Variants in SPAG16 observed in about 807,000 individuals in gnomAD.
The protein encoded by SPAG16 is sperm associated antigen 16.
A neutral mutation model predicts 80.4 loss-of-function variants in SPAG16; 86 were observed. The ratio of observed to expected loss-of-function variants is 1.07; its 90% CI spans 0.90 to 1.28. The LOEUF is 1.28. SPAG16 is among the 50% of genes most tolerant of loss of function. The pLI is 0.00. For synonymous variants in SPAG16, 294 were observed against 265.9 expected, an observed-to-expected ratio of 1.11 and a Z score of -1.03; for missense variants, 870 against 765.3, an observed-to-expected ratio of 1.14 and a Z score of -1.61.
chr2:214,008,992 G>A (rs1202318382), intron 12 of SPAG16, among the ~76,000 whole-genome samples: 3 of 152,130 alleles, frequency 2.0e-5, no homozygotes, highest in African/African-American at 7.2e-5. Flanking sequence ...CCAAGTGAGA[G>A]TCTGAGATAT....
chr2:213,451,792 C>G (rs1392938776), intron 9 of SPAG16, among the ~76,000 whole-genome samples: 1 of 152,052 alleles, frequency 6.6e-6, no homozygotes, highest in African/African-American at 2.4e-5. Flanking sequence ...TCTAGTAGTC[C>G]CCACCCCTTG....
At chr2:214,292,263 C>A (rs1693855543) in intron 15 of SPAG16, among the ~76,000 whole-genome samples, 1 of 151,978 alleles carries the variant, frequency 6.6e-6, no homozygotes, top group Non-Finnish European at 1.5e-5. Context: ...GATCACTGGG[C>A]CTTCTGTATC....
intron 13 of SPAG16, among the ~76,000 whole-genome samples, chr2:214,075,461 G>A (rs1462379585): frequency 6.6e-6 from 1 of 151,944 alleles, no homozygotes; most frequent in Admixed American, 6.6e-5. Flanking sequence ...CATGAAGGAG[G>A]CTTCTGGACG....
intron 15 of SPAG16, among the ~76,000 whole-genome samples, chr2:214,288,759 A>ATTTATTTATTTG (rs1441966288): frequency 6.7e-6 from 1 of 148,310 alleles, no homozygotes; most frequent in Non-Finnish European, 1.5e-5. Flanking sequence ...CCACTTATTT[A>ATTTATTTATTTG]TTTATTTATT....
chr2:213,774,838 T>A (rs1259380243), intron 10 of SPAG16, among the ~76,000 whole-genome samples: 1 of 152,188 alleles, frequency 6.6e-6, no homozygotes, highest in Non-Finnish European at 1.5e-5. Context: ...TTAGTTAGAT[T>A]CACTTCTCAG....
At chr2:214,266,855 T>C (rs966998453) in intron 15 of SPAG16, among the ~76,000 whole-genome samples, 2 of 151,308 alleles carry the variant, frequency 1.3e-5, no homozygotes, top group African/African-American at 4.8e-5. Flanking sequence ...TTAAAAGGAA[T>C]AAAATACTTA....
chr2:214,369,340 T>C (rs1159421753), intron 15 of SPAG16, among the ~76,000 whole-genome samples: 2 of 152,112 alleles, frequency 1.3e-5, no homozygotes, highest in African/African-American at 4.8e-5. Flanking sequence ...TGCAACTCAC[T>C]ACTAGTTTTG....
chr2:213,461,430 C>T (rs1438151809), intron 9 of SPAG16, among the ~76,000 whole-genome samples: 1 of 152,120 alleles, frequency 6.6e-6, no homozygotes, highest in African/African-American at 2.4e-5. Context: ...GATGGTAATA[C>T]ATAGATGAAT....
rs192377889 is a variant in SPAG16, at chr2:213,460,610, C to T, written c.943-29353C>T. Among the ~76,000 whole-genome samples the T allele has an allele frequency of 1.2e-4, 18 of 152,186 alleles. No individual in the cohort carries two copies. The East Asian group carries it at 3.5e-3, about 29-fold the overall frequency. On this transcript the variant is annotated intron_variant, in intron 9 of 15. Transcript: ENST00000331683. ...AACAAGGTTATCTTGAATTGTCACT[C>T]TTTAATCTTTGATTTTGTTATGAAT...
intron 5 of SPAG16, among the ~76,000 whole-genome samples, chr2:213,339,666 C>A (rs1479847009): frequency 6.6e-6 from 1 of 151,958 alleles, no homozygotes; most frequent in Non-Finnish European, 1.5e-5. Context: ...TTATTTTATA[C>A]CATGAAATCT....
intron 15 of SPAG16, among the ~76,000 whole-genome samples, chr2:214,318,848 C>T (rs1695880307): frequency 6.6e-6 from 1 of 152,098 alleles, no homozygotes; most frequent in Non-Finnish European, 1.5e-5. Context: ...CAGCTCCTGA[C>T]AGAGGTGTTG....
At chr2:213,861,968 A>G (rs1261671133) in intron 10 of SPAG16, among the ~76,000 whole-genome samples, 2 of 152,158 alleles carry the variant, frequency 1.3e-5, no homozygotes, top group Non-Finnish European at 2.9e-5. Flanking sequence ...CACTTTGTGT[A>G]GATAGTGGGC....
At chr2:213,313,723 A>G (rs1043679604) in intron 4 of SPAG16, among the ~76,000 whole-genome samples, 1 of 151,868 alleles carries the variant, frequency 6.6e-6, no homozygotes, top group Non-Finnish European at 1.5e-5. Context: ...CCTATTTTCT[A>G]TATTGGTTTG....
At chr2:213,523,338 A>G (rs552473690) in intron 10 of SPAG16, among the ~76,000 whole-genome samples, 7 of 152,314 alleles carry the variant, frequency 4.6e-5, no homozygotes, top group African/African-American at 1.7e-4. Context: ...AGCGATGTGG[A>G]ACTGTGAGTT....
chr2:214,129,820 A>G (rs1294217582), intron 14 of SPAG16, among the ~76,000 whole-genome samples: 6 of 152,204 alleles, frequency 3.9e-5, no homozygotes, highest in East Asian at 3.8e-4. Context: ...GAGAAAAACT[A>G]TAGACTATGA....
At chr2:214,042,513 T>A (rs2049092566) in intron 13 of SPAG16, among the ~76,000 whole-genome samples, 1 of 152,158 alleles carries the variant, frequency 6.6e-6, no homozygotes, top group African/African-American at 2.4e-5. Flanking sequence ...CATATTCTTT[T>A]CTGTGCCCAA....
At chr2:214,179,604 T>G (rs1378111872) in intron 15 of SPAG16, among the ~76,000 whole-genome samples, 1 of 151,418 alleles carries the variant, frequency 6.6e-6, no homozygotes, top group Admixed American at 6.6e-5. Flanking sequence ...TCAGCAAATG[T>G]GGCACTAGAT....
rs2044120208 is a variant in SPAG16 at position 213,956,144 on chromosome 2, TG to T, written c.1400+26003del. Among the ~76,000 whole-genome samples, 4 of 151,832 alleles carry T rather than the reference TG, an allele frequency of 2.6e-5. No homozygotes were observed. In the South Asian group the frequency reaches 8.3e-4, roughly 32 times the overall value. ...CTAATTTTTGTATTATTAGTAGAGA[TG>T]GGGTTTCACCATTTTGGCCAGACTG... On this transcript the variant is annotated intron_variant, in intron 12 of 15. Coordinates refer to ENST00000331683, the MANE Select transcript of SPAG16 (RefSeq NM_024532.5).
intron 10 of SPAG16, among the ~76,000 whole-genome samples, chr2:213,785,220 GA>G (rs1448575332): frequency 6.6e-6 from 1 of 151,946 alleles, no homozygotes; most frequent in Non-Finnish European, 1.5e-5. Context: ...TGTGATTTTT[GA>G]ATTCATAAGT....
Sources: gnomAD v4.1 joint callset for allele counts (sites outside exome capture counted in the v4.1 genomes callset) on GRCh38, gnomAD v4.1.1 for gene constraint, MANE v1.5 for transcripts, NCBI Gene and HGNC (gene_info 2026-07-23, HGNC 2026-07-21) for gene names.